Variants in ZUP1 observed in about 807,000 individuals in gnomAD.
ZUP1 encodes the protein zinc finger-containing ubiquitin peptidase 1.
Under a neutral mutation model 68.1 loss-of-function variants are expected in ZUP1, and 55 were observed. The observed-to-expected ratio is 0.81, with a 90% CI of 0.65 to 1.01. The LOEUF is 1.01. Among genes scored for constraint, ZUP1 ranks in the 50% least tolerant of loss-of-function variants. The pLI is 0.00. For missense variants in ZUP1, 684 were observed against 674.9 expected (o/e 1.01, Z -0.15); for synonymous variants, 223 against 221.5 (o/e 1.01, Z -0.06).
intron 8 of ZUP1, chr6:116,646,350 C>A (rs1419888030): frequency 6.4e-6 from 1 of 155,568 alleles, no homozygotes; most frequent in African/African-American, 2.4e-5. Context: ...TATTCCTAAA[C>A]AATGAAATTC....
rs551010598 is a variant in ZUP1, at chr6:116,644,405, C to T, written c.1689+1309G>A. 3.3e-3 allele frequency among the ~76,000 whole-genome samples: 501 copies of T among 152,278 alleles called. 4 individuals carry two copies. Among genetic ancestry groups the T allele is most frequent in the African/African-American group, 0.012 (484 of 41,552 alleles). Reference sequence around the variant, plus strand: ...ACATGCACACGTATGTTTATTGCTGCACTATTCACAATAGCAAAGACTTGG... The same window carrying T: ...ACATGCACACGTATGTTTATTGCTGTACTATTCACAATAGCAAAGACTTGG... On this transcript the variant is annotated intron_variant, in intron 9 of 9. Transcript: ENST00000368576.
intron 2 of ZUP1, among the ~76,000 whole-genome samples, chr6:116,663,609 A>G (rs183501343): frequency 2.6e-5 from 4 of 152,288 alleles, no homozygotes; most frequent in African/African-American, 7.2e-5. Context: ...AAAATGATCT[A>G]CTTAGAATAC....
intron 9 of ZUP1, among the ~76,000 whole-genome samples, chr6:116,638,364 A>G (rs907355499): frequency 6.6e-6 from 1 of 152,148 alleles, no homozygotes; most frequent in South Asian, 2.1e-4. Context: ...GAATTTTTCT[A>G]TAATATTACG....
At chr6:116,651,206 T>C (rs1234737752) in intron 7 of ZUP1, among the ~76,000 whole-genome samples, 1 of 152,196 alleles carries the variant, frequency 6.6e-6, no homozygotes, top group Non-Finnish European at 1.5e-5. Flanking sequence ...AATTGTATAA[T>C]AAAATCTGAC....
In ZUP1 at chr6:116,645,764, G is replaced by C. The variant is rs1776279726; in HGVS notation, c.1639C>G (p.Gln547Glu). 4 of 1,613,798 alleles carry C rather than the reference G, an allele frequency of 2.5e-6. No individual in the cohort carries two copies. Among genetic ancestry groups the C allele is most frequent in the Non-Finnish European group, 2.5e-6 (3 of 1,179,910 alleles). ...RKSMGNLKHKQYQILAVEGAL... is the reference protein window; with the variant it reads ...RKSMGNLKHKEYQILAVEGAL... ...CCCTCTACTGCCAATATCTGGTATTGCTTATGTTTTAAATTTCCCATAGAT... is the reference window on the plus strand; with the variant it reads ...CCCTCTACTGCCAATATCTGGTATTCCTTATGTTTTAAATTTCCCATAGAT... The change falls in exon 9 of 10, where the codon CAA becomes GAA. Residue 547 changes from glutamine (Q) to glutamate (E), a missense_variant. Transcript: ENST00000368576.
In ZUP1 at chr6:116,647,623, G is replaced by C. The variant is rs1419132743; in HGVS notation, c.1317-13C>G. 2.0e-6 allele frequency: 3 copies of C among 1,495,012 alleles called. No homozygotes were observed. In the East Asian group the frequency reaches 7.1e-5, roughly 35 times the overall value. 92.6% of individuals were successfully genotyped at this position (1,495,012 alleles called of 1,614,324 possible). A position where few individuals can be genotyped will look rare whatever the true frequency, so the allele number is the denominator to read the frequency against. ...AACAATATGACACCTATTAAAAATT[G>C]ACAAAATGCACATTTAAAGGGCATT... On this transcript the variant is annotated splice_polypyrimidine_tract_variant and intron_variant, in intron 7 of 9. Transcript: ENST00000368576.
intron 5 of ZUP1, 117 bp downstream of exon 5, chr6:116,656,567 T>A (rs930050288): frequency 8.8e-6 from 7 of 798,352 alleles, no homozygotes; most frequent in Non-Finnish European, 1.3e-5. Flanking sequence ...ACAATACATT[T>A]TTAAAAAAAT....
At chr6:116,664,473 C>T (rs918740391) in intron 2 of ZUP1, among the ~76,000 whole-genome samples, 1 of 146,586 alleles carries the variant, frequency 6.8e-6, no homozygotes, top group Non-Finnish European at 1.5e-5. Context: ...TTAAAGGATA[C>T]AAAAGATGAC....
rs1776750177 is a variant in ZUP1, at chr6:116,658,895, G to C, written c.700C>G (p.Leu234Val). ...TGCTGAAGCTGGTGAGCCAATTGTA[G>C]ATCACCAGAACACTGGACTCTATCC... ...GMDRVQCSGD[L>V]QLAHQLQQEE... The change falls in exon 4 of 10, where the codon CTA becomes GTA. Residue 234 changes from leucine to valine, a missense_variant. Leu to Val is a conservative substitution (Grantham distance 32). Transcript: ENST00000368576. The C allele has an allele frequency of 1.2e-5, 19 of 1,611,942 alleles. No individual in the cohort carries two copies. Among genetic ancestry groups the C allele is most frequent in the Non-Finnish European group, 1.6e-5 (19 of 1,179,452 alleles).
intron 9 of ZUP1, among the ~76,000 whole-genome samples, chr6:116,640,421 T>A (rs9384984): frequency 0.19 from 28,523 of 151,890 alleles, 2,854 homozygotes; most frequent in East Asian, 0.29. Flanking sequence ...GGAAAAAATG[T>A]TAAGGGCAGC....
At position 116,668,555 on chromosome 6, in the gene ZUP1, T is replaced by G. The variant is rs1316611964; in HGVS notation, c.-16+11A>C. The G allele has an allele frequency of 6.6e-6, 1 of 152,354 alleles. No individual in the cohort carries two copies. Among genetic ancestry groups the G allele is most frequent in the African/African-American group, 2.4e-5 (1 of 41,446 alleles). The allele number at this position is 152,354 out of a possible 1,614,324, so 9.4% of individuals were successfully genotyped here. A position where few individuals can be genotyped will look rare whatever the true frequency, so the allele number is the denominator to read the frequency against. On this transcript the variant is annotated intron_variant, in intron 1 of 9. Transcript: ENST00000368576. ...GCCTGGGGAATAAGGGAGGGGACCATCAATTCTTACCGGCCCAGAGGCCAG... is the reference window on the plus strand; with the variant it reads ...GCCTGGGGAATAAGGGAGGGGACCAGCAATTCTTACCGGCCCAGAGGCCAG...
At chr6:116,659,619 G>GA (rs1287206284) in intron 3 of ZUP1, among the ~76,000 whole-genome samples, 44 of 138,154 alleles carry the variant, frequency 3.2e-4, no homozygotes, top group East Asian at 8.2e-4. Context: ...TACTAGGGGA[G>GA]AAAAAAAAAA....
intron 7 of ZUP1, among the ~76,000 whole-genome samples, chr6:116,651,015 G>A (rs1776473681): frequency 6.6e-6 from 1 of 152,070 alleles, no homozygotes; most frequent in Admixed American, 6.6e-5. Context: ...AGGACAGAAT[G>A]CTCAAGAAGG....
intron 9 of ZUP1, among the ~76,000 whole-genome samples, chr6:116,641,399 C>A (rs1255378506): frequency 6.6e-6 from 1 of 151,968 alleles, no homozygotes. Context: ...TTTTTCAGCA[C>A]CACACCACAC....
intron 9 of ZUP1, among the ~76,000 whole-genome samples, chr6:116,645,121 CA>C (rs1295012185): frequency 6.8e-6 from 1 of 146,574 alleles, no homozygotes; most frequent in African/African-American, 2.5e-5. Flanking sequence ...ATTTAAAATG[CA>C]AAAAAATTAA....
chr6:116,639,065 C>T (rs1776001233), intron 9 of ZUP1, among the ~76,000 whole-genome samples: 1 of 152,242 alleles, frequency 6.6e-6, no homozygotes, highest in Admixed American at 6.5e-5. Flanking sequence ...GGTCCTACGC[C>T]CACGGAGTCT....
At position 116,652,015 on chromosome 6, in the gene ZUP1, T is replaced by C; in HGVS notation, c.1139A>G (p.Asp380Gly). Residue 380 changes from aspartate to glycine, a missense_variant, in exon 6 of 10, where the codon GAT becomes GGT. Physicochemically the swap from Asp to Gly is moderately conservative, Grantham distance 94. Coordinates refer to ENST00000368576, the MANE Select transcript of ZUP1 (RefSeq NM_145062.3). The part of the protein sequence containing the change: ...SSLLQNDAYN[D>G]CLKGMLIPCI... ...TAGATTTCACATACCTTTTAAGCAA[T>C]CGTTGTAAGCATCATTTTGTAATAA... is the stretch of plus-strand genomic sequence containing the variant. 1 of 1,613,786 alleles carries C rather than the reference T, an allele frequency of 6.2e-7. No individual in the cohort carries two copies.
intron 9 of ZUP1, among the ~76,000 whole-genome samples, chr6:116,640,562 C>A (rs1193614230): frequency 6.6e-6 from 1 of 151,866 alleles, no homozygotes; most frequent in Non-Finnish European, 1.5e-5. Context: ...GAATTTTCAA[C>A]CCAGAATTTC....
intron 9 of ZUP1, among the ~76,000 whole-genome samples, chr6:116,641,101 C>T (rs2115380792): frequency 6.7e-6 from 1 of 149,150 alleles, no homozygotes; most frequent in African/African-American, 2.5e-5. Flanking sequence ...GAGGCCATTA[C>T]ATAATGGTAA....
Sources: gnomAD v4.1 joint callset for allele counts (sites outside exome capture counted in the v4.1 genomes callset) on GRCh38, gnomAD v4.1.1 for gene constraint, MANE v1.5 for transcripts, NCBI Gene and HGNC (gene_info 2026-07-23, HGNC 2026-07-21) for gene names.